Variants in FER1L6 observed in about 807,000 individuals in gnomAD.
The protein encoded by FER1L6 is fer-1 like family member 6.
FER1L6 carries 177 observed loss-of-function variants against 219.2 expected under a neutral mutation model. The observed-to-expected ratio is 0.81, with a 90% CI of 0.71 to 0.91. FER1L6 has a LOEUF of 0.91. FER1L6 is among the 40% of genes least tolerant of loss of function. The probability of loss-of-function intolerance (pLI) is 0.00; values close to 1 mark genes in which losing one functional copy is unlikely to be tolerated. For missense variants in FER1L6, 2,153 were observed against 2,259.9 expected, an observed-to-expected ratio of 0.95 and a Z score of 0.96; for synonymous variants, 768 against 824.3, an observed-to-expected ratio of 0.93 and a Z score of 1.17.
chr8:123,874,150 A>G (rs1200670034), intron 1 of FER1L6, among the ~76,000 whole-genome samples: 1 of 152,206 alleles, frequency 6.6e-6, no homozygotes, highest in African/African-American at 2.4e-5. Context: ...AAAACATGCC[A>G]CCATGTTGAC....
chr8:124,010,986 A>G (rs192789782), intron 14 of FER1L6, among the ~76,000 whole-genome samples: 1 of 152,170 alleles, frequency 6.6e-6, no homozygotes, highest in Admixed American at 6.5e-5. Context: ...TGTTTTTCTA[A>G]TCTCCAAAGG....
chr8:123,981,025 AC>A (rs1476337296), intron 11 of FER1L6, among the ~76,000 whole-genome samples: 1 of 151,740 alleles, frequency 6.6e-6, no homozygotes, highest in Non-Finnish European at 1.5e-5. Flanking sequence ...TGAATCCCCC[AC>A]TCCCCCAAAT....
intron 37 of FER1L6, among the ~76,000 whole-genome samples, chr8:124,100,153 GGGAA>G (rs1822489528): frequency 6.6e-6 from 1 of 152,164 alleles, no homozygotes; most frequent in Non-Finnish European, 1.5e-5. Flanking sequence ...TCCCTGCCCT[GGGAA>G]GGAAGGATGT....
intron 11 of FER1L6, chr8:123,985,738 A>C (rs1816542599): frequency 4.9e-6 from 1 of 205,778 alleles, no homozygotes; most frequent in East Asian, 1.3e-4. Context: ...CAATCTCCAG[A>C]AGGTAATTCC....
At chr8:124,102,030 G>A (rs1451188329) in intron 38 of FER1L6, among the ~76,000 whole-genome samples, 2 of 152,152 alleles carry the variant, frequency 1.3e-5, no homozygotes, top group East Asian at 1.9e-4. Flanking sequence ...TATGATAAGG[G>A]GTTGTGAAGA....
rs532735055 is a variant in FER1L6 at position 124,014,033 on chromosome 8, C to T, written c.1922+502C>T. Reference sequence around the variant, plus strand: ...TATTGTGGGGCTGAGGGAAAACCTTCCCTCCTCTCTCTGAAGGCTCACTGA... The same window carrying T: ...TATTGTGGGGCTGAGGGAAAACCTTTCCTCCTCTCTCTGAAGGCTCACTGA... On this transcript the variant is annotated intron_variant, in intron 15 of 40. Transcript: ENST00000522917. Among the ~76,000 whole-genome samples the T allele has an allele frequency of 5.3e-5, 8 of 151,932 alleles. No individual in the cohort carries two copies. In the East Asian group the frequency reaches 9.7e-4, roughly 18 times the overall value.
intron 34 of FER1L6, among the ~76,000 whole-genome samples, chr8:124,092,547 C>T (rs1203777608): frequency 3.3e-5 from 5 of 152,136 alleles, no homozygotes; most frequent in Non-Finnish European, 5.9e-5. Flanking sequence ...GGCTTCCATA[C>T]ATTTAGGGTG....
chr8:124,095,588 G>C (rs1311157255), intron 35 of FER1L6, among the ~76,000 whole-genome samples: 2 of 152,194 alleles, frequency 1.3e-5, no homozygotes, highest in Non-Finnish European at 2.9e-5. Context: ...CAGAAGGGAA[G>C]ACAAGATAAA....
rs139798479 is a variant in FER1L6, at chr8:124,030,828, T to A, written c.2287-4449T>A. On this transcript the variant is annotated intron_variant, in intron 18 of 40. Coordinates refer to ENST00000522917, the MANE Select transcript of FER1L6 (RefSeq NM_001039112.2). ...CTAATACTGACCAACTCCAACACAG[T>A]TCATGTGAGTTACTACCTCTCTCTC... is the stretch of plus-strand genomic sequence containing the variant. 2.5e-3 allele frequency among the ~76,000 whole-genome samples: 381 copies of A among 152,138 alleles called. 1 individual carries two copies. The highest frequency in any genetic ancestry group is 5.8e-3 in the Admixed American group (89 of 15,286).
intron 22 of FER1L6, among the ~76,000 whole-genome samples, chr8:124,052,824 C>T (rs1277322135): frequency 1.3e-5 from 2 of 152,090 alleles, no homozygotes; most frequent in Non-Finnish European, 2.9e-5. Context: ...AAAAAAACAG[C>T]ATCACATTGC....
intron 32 of FER1L6, among the ~76,000 whole-genome samples, chr8:124,078,575 G>A (rs2130899954): frequency 6.6e-6 from 1 of 152,342 alleles, no homozygotes; most frequent in East Asian, 1.9e-4. Flanking sequence ...ACTGCTAAGT[G>A]CTGGGACACA....
At chr8:123,896,792 G>A (rs1812749193) in intron 1 of FER1L6, among the ~76,000 whole-genome samples, 1 of 152,054 alleles carries the variant, frequency 6.6e-6, no homozygotes, top group Admixed American at 6.6e-5. Flanking sequence ...CCATCTATAT[G>A]CTGATAACTC....
At chr8:124,007,934 T>C (rs1375849198) in intron 13 of FER1L6, among the ~76,000 whole-genome samples, 1 of 152,222 alleles carries the variant, frequency 6.6e-6, no homozygotes, top group Non-Finnish European at 1.5e-5. Context: ...ACATCTGTTA[T>C]CTTTTTTAAA....
intron 1 of FER1L6, among the ~76,000 whole-genome samples, chr8:123,934,065 C>T (rs1813888423): frequency 6.6e-6 from 1 of 152,072 alleles, no homozygotes; most frequent in African/African-American, 2.4e-5. Flanking sequence ...TCCTCTTGGC[C>T]ACAATACTCC....
chr8:123,937,487 G>C (rs1264501153), intron 1 of FER1L6, among the ~76,000 whole-genome samples: 2 of 152,132 alleles, frequency 1.3e-5, no homozygotes, highest in African/African-American at 2.4e-5. Context: ...TGAGTGTCTA[G>C]TCCTACAGGT....
intron 11 of FER1L6, among the ~76,000 whole-genome samples, chr8:123,982,549 G>C (rs111443157): frequency 5.3e-5 from 8 of 152,242 alleles, no homozygotes; most frequent in African/African-American, 1.9e-4. Context: ...TTGGCTTCTT[G>C]TTGGTGGCCA....
chr8:123,994,787 A>G (rs1817049613), intron 12 of FER1L6, among the ~76,000 whole-genome samples: 1 of 152,234 alleles, frequency 6.6e-6, no homozygotes, highest in South Asian at 2.1e-4. Context: ...ACCTGCAACC[A>G]TCACCTGAGT....
At chr8:124,000,247 G>A (rs1817341367) in intron 12 of FER1L6, among the ~76,000 whole-genome samples, 1 of 152,108 alleles carries the variant, frequency 6.6e-6, no homozygotes, top group African/African-American at 2.4e-5. Context: ...CACTGCTAGG[G>A]GATGGAGAAG....
chr8:124,091,289 A>G (rs1822016978), intron 33 of FER1L6, 134 bp from the exon 34 acceptor site: 1 of 613,586 alleles, frequency 1.6e-6, no homozygotes, highest in Admixed American at 3.1e-5. Flanking sequence ...GTGTTTGGCC[A>G]GAAAAGAGAG....
Sources: gnomAD v4.1 joint callset for allele counts (sites outside exome capture counted in the v4.1 genomes callset) on GRCh38, gnomAD v4.1.1 for gene constraint, MANE v1.5 for transcripts, NCBI Gene and HGNC (gene_info 2026-07-23, HGNC 2026-07-21) for gene names.